The following KIF3C variants were observed in gnomAD, a reference collection of about 807,000 sequenced individuals.
KIF3C encodes kinesin family member 3C, also known as kinesin-like protein KIF3C.
Under a neutral mutation model 67.7 loss-of-function variants are expected in KIF3C, and 12 were observed. The observed-to-expected ratio is 0.18, with a 90% CI of 0.11 to 0.29. The LOEUF (loss-of-function observed/expected upper bound fraction) is 0.29, where lower values mean the gene tolerates loss of function less well. KIF3C is among the 10% of genes least tolerant of loss of function. The pLI is 1.00. For missense variants in KIF3C, 789 were observed against 1,059.6 expected, an observed-to-expected ratio of 0.74 and a Z score of 3.55; for synonymous variants, 393 against 426.2, an observed-to-expected ratio of 0.92 and a Z score of 0.96.
Position 25,982,213 on chromosome 2 carries a change from G to A in KIF3C, c.-296C>T, listed in dbSNP as rs1664621002. On this transcript the variant is annotated 5_prime_UTR_variant, in exon 1 of 8. Coordinates refer to ENST00000264712, the MANE Select transcript of KIF3C (RefSeq NM_002254.8). Reference sequence around the variant, plus strand: ...CCGTGCCCGGAGCCCGCCCCATGCAGGAGCAGAGGGAGCGCTGCCGTAAAC... The same window carrying A: ...CCGTGCCCGGAGCCCGCCCCATGCAAGAGCAGAGGGAGCGCTGCCGTAAAC... The A allele has an allele frequency of 4.7e-6, 2 of 428,192 alleles. No individual in the cohort carries two copies. Among genetic ancestry groups the A allele is most frequent in the Non-Finnish European group, 4.1e-6 (1 of 243,840 alleles). The allele number at this position is 428,192 out of a possible 1,614,324, so 26.5% of individuals were successfully genotyped here.
At position 25,955,197 on chromosome 2, in the gene KIF3C, G is replaced by T. The variant is rs1179492276; in HGVS notation, c.1770+344C>A. Among the ~76,000 whole-genome samples the T allele has an allele frequency of 6.6e-6, 1 of 152,074 alleles. No homozygotes were observed. The highest frequency in any genetic ancestry group is 2.4e-5 in the African/African-American group (1 of 41,402). ...TTCCAGTCTCCTCCTCAGCCTCTCTGTATTCCCCTGGCCCTGCTCCAGGCC... is the reference window on the plus strand; with the variant it reads ...TTCCAGTCTCCTCCTCAGCCTCTCTTTATTCCCCTGGCCCTGCTCCAGGCC... On this transcript the variant is annotated intron_variant, in intron 3 of 7. Coordinates refer to ENST00000264712, the MANE Select transcript of KIF3C (RefSeq NM_002254.8). The surrounding 1 kb of genome is among the most constrained non-coding windows in gnomAD (Gnocchi z 5.0).
chr2:25,981,237 G>A lies in KIF3C; in HGVS notation c.681C>T (p.Ser227=), dbSNP rs764523801. 18 of 1,614,112 alleles carry A rather than the reference G, an allele frequency of 1.1e-5. No individual in the cohort carries two copies. Among genetic ancestry groups the A allele is most frequent in the Middle Eastern group, 1.6e-4 (1 of 6,062 alleles). ...HAIFIITVEC[S]ERGSDGQDHI... is the part of the protein sequence containing the mutation. Reference sequence around the variant, plus strand: ...GGTCCTGGCCATCAGAGCCACGTTCGCTGCACTCCACAGTGATGATGAAGA... The same window carrying A: ...GGTCCTGGCCATCAGAGCCACGTTCACTGCACTCCACAGTGATGATGAAGA... Residue 227 remains serine (S), a synonymous_variant, in exon 1 of 8, where the codon AGC becomes AGT. Transcript: ENST00000264712. This position sits in a 1 kb window ranked among gnomAD's most constrained non-coding sequence, Gnocchi z 8.2.
intron 5 of KIF3C, among the ~76,000 whole-genome samples, chr2:25,934,904 C>G (rs1417544937): frequency 6.6e-6 from 1 of 151,312 alleles, no homozygotes; most frequent in Non-Finnish European, 1.5e-5. Flanking sequence ...TCACTGCACT[C>G]CAACCTGGGC....
Position 25,927,771 on chromosome 2 carries a change from C to T in KIF3C, c.*1207G>A, listed in dbSNP as rs2090424206. ...TACACTTAAAAAGCCAGTCAATGAA[C>T]ATTAACCATTTTTTTTTGTAGAAAT... On this transcript the variant is annotated 3_prime_UTR_variant, in exon 8 of 8. Transcript: ENST00000264712. The T allele has an allele frequency of 6.6e-6, 1 of 152,476 alleles. No individual in the cohort carries two copies. Among genetic ancestry groups the T allele is most frequent in the Non-Finnish European group, 1.5e-5 (1 of 68,046 alleles). The allele number at this position is 152,476 out of a possible 1,614,324, so 9.4% of individuals were successfully genotyped here.
chr2:25,942,160 C>A (rs1178722632), intron 5 of KIF3C, among the ~76,000 whole-genome samples: 16 of 151,880 alleles, frequency 1.1e-4, no homozygotes, highest in Non-Finnish European at 2.4e-4. Flanking sequence ...GAGTTCGAGA[C>A]CAGCCTGGCC....
At chr2:25,941,345 G>A (rs1199213829) in intron 5 of KIF3C, among the ~76,000 whole-genome samples, 1 of 151,636 alleles carries the variant, frequency 6.6e-6, no homozygotes, top group Admixed American at 6.6e-5. Flanking sequence ...ATCTAGGGTG[G>A]CTGGGGTTAC....
intron 1 of KIF3C, among the ~76,000 whole-genome samples, chr2:25,957,513 T>C (rs2149235116): frequency 6.6e-6 from 1 of 152,292 alleles, no homozygotes; most frequent in Non-Finnish European, 1.5e-5. Flanking sequence ...GGTACCCAGT[T>C]GTCCTCTGGC....
At chr2:25,949,841 T>C (rs1236058576) in intron 5 of KIF3C, among the ~76,000 whole-genome samples, 1 of 149,974 alleles carries the variant, frequency 6.7e-6, no homozygotes, top group African/African-American at 2.4e-5. Context: ...CGTGGTAGCA[T>C]GCACCTGCAA....
chr2:25,929,932 T>C lies in KIF3C; in HGVS notation c.2115+23A>G, dbSNP rs762791422. 7 of 1,554,226 alleles carry C rather than the reference T, an allele frequency of 4.5e-6. No individual in the cohort carries two copies. The South Asian group carries it at 7.8e-5, about 17-fold the overall frequency. On this transcript the variant is annotated intron_variant, in intron 6 of 7. Coordinates refer to ENST00000264712, the MANE Select transcript of KIF3C (RefSeq NM_002254.8). ...CGCCCGGCCTCCCTCCCGTAGGCTC[T>C]TTCTCCCCTCTCCGCTTCTTACCCT...
intron 1 of KIF3C, among the ~76,000 whole-genome samples, chr2:25,962,871 A>G (rs1159607575): frequency 1.4e-5 from 1 of 71,882 alleles, no homozygotes; most frequent in Non-Finnish European, 2.4e-5. Context: ...TAATATATAT[A>G]ATATATAAAA....
chr2:25,963,013 T>A lies in KIF3C; in HGVS notation c.1546-6569A>T, dbSNP rs868283857. On this transcript the variant is annotated intron_variant, in intron 1 of 7. Coordinates refer to ENST00000264712, the MANE Select transcript of KIF3C (RefSeq NM_002254.8). The stretch of plus-strand genomic sequence containing the variant: ...AATATATATAATATATAATATATAA[T>A]ATATATAATATATAATATATAATAT... Among the ~76,000 whole-genome samples the A allele has an allele frequency of 8.6e-4, 38 of 44,336 alleles. 4 individuals are homozygous for A. The highest frequency in any genetic ancestry group is 1.1e-3 in the Non-Finnish European group (32 of 27,890). 29.1% of individuals were successfully genotyped at this position (44,336 alleles called of 152,430 possible). A position where few individuals can be genotyped will look rare whatever the true frequency, so the allele number is the denominator to read the frequency against.
At chr2:25,963,326 C>T (rs1018776675) in intron 1 of KIF3C, among the ~76,000 whole-genome samples, 11 of 147,200 alleles carry the variant, frequency 7.5e-5, no homozygotes, top group Non-Finnish European at 1.5e-4. Flanking sequence ...TCTGCCTTGG[C>T]CTCCTGAGTA....
At chr2:25,962,835 A>ATATATAT in intron 1 of KIF3C, among the ~76,000 whole-genome samples, 2 of 59,564 alleles carry the variant, frequency 3.4e-5, no homozygotes, top group African/African-American at 1.9e-4. Flanking sequence ...AAAATATATA[A>ATATATAT]AATATATAAT....
At chr2:25,931,354 A>G (rs1156769431) in intron 5 of KIF3C, among the ~76,000 whole-genome samples, 1 of 150,834 alleles carries the variant, frequency 6.6e-6, no homozygotes, top group Non-Finnish European at 1.5e-5. Context: ...TCTACTCAGG[A>G]GAGTGAGGCA....
At chr2:25,949,596 C>A (rs1663543579) in intron 5 of KIF3C, among the ~76,000 whole-genome samples, 1 of 151,972 alleles carries the variant, frequency 6.6e-6, no homozygotes, top group Admixed American at 6.6e-5. Flanking sequence ...CCTCTCCCAT[C>A]CCACAACTAG....
intron 1 of KIF3C, among the ~76,000 whole-genome samples, chr2:25,966,900 C>T (rs1486572101): frequency 1.3e-5 from 2 of 152,158 alleles, no homozygotes; most frequent in Admixed American, 1.3e-4. Flanking sequence ...TGGTTATGAT[C>T]CCCATTTGAC....
Position 25,980,479 on chromosome 2 carries a change from C to G in KIF3C, c.1439G>C (p.Ser480Thr). 1.2e-6 allele frequency: 2 copies of G among 1,614,164 alleles called. No individual in the cohort carries two copies. The highest frequency in any genetic ancestry group is 1.7e-6 in the Non-Finnish European group (2 of 1,180,028). The change falls in exon 1 of 8, where the codon AGC becomes ACC. Residue 480 changes from serine (S) to threonine (T), a missense_variant. Transcript: ENST00000264712. This position sits in a 1 kb window ranked among gnomAD's most constrained non-coding sequence, Gnocchi z 7.6. Reference protein sequence around the residue: ...EEKAAIQDDRSLVSEEKQKLL... With the variant: ...EEKAAIQDDRTLVSEEKQKLL... ...CTTCTGCTTCTCCTCGCTCACCAGGCTGCGGTCATCCTGGATGGCTGCCTT... is the reference window on the plus strand; with the variant it reads ...CTTCTGCTTCTCCTCGCTCACCAGGGTGCGGTCATCCTGGATGGCTGCCTT...
rs768248466 is a variant in KIF3C, at chr2:25,981,959, C to T, written c.-42G>A. 1 of 1,470,540 alleles carries T rather than the reference C, an allele frequency of 6.8e-7. No homozygotes were observed. The highest frequency in any genetic ancestry group is 9.1e-7 in the Non-Finnish European group (1 of 1,104,358). The allele number at this position is 1,470,540 out of a possible 1,614,324, so 91.1% of individuals were successfully genotyped here. A position where few individuals can be genotyped will look rare whatever the true frequency, so the allele number is the denominator to read the frequency against. On this transcript the variant is annotated 5_prime_UTR_variant, in exon 1 of 8. Transcript: ENST00000264712. This position sits in a 1 kb window ranked among gnomAD's most constrained non-coding sequence, Gnocchi z 8.2. ...TCCTGCCCCCGAGCCCCTCCGCAGC[C>T]TGGGCGGTCCTGCTATCCTGCTCGC... is the stretch of plus-strand genomic sequence containing the variant.
rs1481628211 is a variant in KIF3C at position 25,958,248 on chromosome 2, C to T, written c.1546-1804G>A. Among the ~76,000 whole-genome samples the T allele has an allele frequency of 2.6e-5, 4 of 152,166 alleles. No homozygotes were observed. The highest frequency in any genetic ancestry group is 5.9e-5 in the Non-Finnish European group (4 of 68,034). On this transcript the variant is annotated intron_variant, in intron 1 of 7. Coordinates refer to ENST00000264712, the MANE Select transcript of KIF3C (RefSeq NM_002254.8). The surrounding 1 kb of genome is among the most constrained non-coding windows in gnomAD (Gnocchi z 4.5). ...TCCCCACTGCCTCAGTGTCCCCTTCCACCCCTCTGCCACATGACACCCAGG... is the reference window on the plus strand; with the variant it reads ...TCCCCACTGCCTCAGTGTCCCCTTCTACCCCTCTGCCACATGACACCCAGG...
Sources: gnomAD v4.1 joint callset for allele counts (sites outside exome capture counted in the v4.1 genomes callset) on GRCh38, gnomAD v4.1.1 for gene constraint, Gnocchi (gnomAD v3.1) non-coding constraint, MANE v1.5 for transcripts, NCBI Gene and HGNC (gene_info 2026-07-23, HGNC 2026-07-21) for gene names.